The following KHDRBS2 variants were observed in gnomAD, a reference collection of about 807,000 sequenced individuals.
The protein encoded by KHDRBS2 is KH RNA binding domain containing, signal transduction associated 2.
Under a neutral mutation model 44.3 loss-of-function variants are expected in KHDRBS2, and 26 were observed. The observed-to-expected ratio is 0.59, with a 90% CI of 0.43 to 0.81. The LOEUF (loss-of-function observed/expected upper bound fraction) is 0.81. Among genes scored for constraint, KHDRBS2 ranks in the 40% least tolerant of loss-of-function variants. The pLI is 0.00. For synonymous variants in KHDRBS2, 194 were observed against 151.1 expected (o/e 1.28, Z -2.08); for missense variants, 476 against 433.1 (o/e 1.10, Z -0.88).
the KHDRBS2 span, among the ~76,000 whole-genome samples, chr6:61,556,560 C>G: frequency 6.6e-6 from 1 of 152,074 alleles, no homozygotes; most frequent in East Asian, 1.9e-4. Context: ...TCTCAAAAAC[C>G]ATAGTTTGTC....
At chr6:61,612,011 T>C in the KHDRBS2 span, among the ~76,000 whole-genome samples, 1 of 152,216 alleles carries the variant, frequency 6.6e-6, no homozygotes, top group Admixed American at 6.5e-5. Flanking sequence ...ATATCAAGTA[T>C]GTGCTTGTAT....
intron 2 of KHDRBS2, among the ~76,000 whole-genome samples, chr6:62,049,438 A>C (rs1163529294): frequency 6.6e-6 from 1 of 151,916 alleles, no homozygotes; most frequent in African/African-American, 2.4e-5. Context: ...GCATTAGAAA[A>C]ACCTTTGTGA....
intron 2 of KHDRBS2, among the ~76,000 whole-genome samples, chr6:62,162,030 AG>A (rs1817766887): frequency 6.6e-6 from 1 of 152,120 alleles, no homozygotes; most frequent in Non-Finnish European, 1.5e-5. Flanking sequence ...TATAGTAAAA[AG>A]TGAAGTTACA....
At chr6:61,568,618 T>C in the KHDRBS2 span, among the ~76,000 whole-genome samples, 2 of 78,418 alleles carry the variant, frequency 2.6e-5, no homozygotes, top group South Asian at 3.4e-4. Flanking sequence ...AACCTGACTT[T>C]GAACATACAT....
the KHDRBS2 span, among the ~76,000 whole-genome samples, chr6:61,572,223 T>C: frequency 1.3e-5 from 2 of 151,994 alleles, no homozygotes; most frequent in Non-Finnish European, 1.5e-5. Context: ...ATCTAGAAGA[T>C]GCAGATAAAT....
At chr6:62,279,637 G>T (rs1222760007) in intron 1 of KHDRBS2, among the ~76,000 whole-genome samples, 1 of 152,110 alleles carries the variant, frequency 6.6e-6, no homozygotes, top group Non-Finnish European at 1.5e-5. Context: ...AATTTATAAT[G>T]AATTAGATGA....
At chr6:62,023,653 T>A (rs1782738620) in intron 3 of KHDRBS2, among the ~76,000 whole-genome samples, 1 of 151,508 alleles carries the variant, frequency 6.6e-6, no homozygotes, top group African/African-American at 2.4e-5. Context: ...TAATTACTAA[T>A]ATAAAAAACA....
intron 2 of KHDRBS2, among the ~76,000 whole-genome samples, chr6:62,140,893 G>C (rs2150097964): frequency 6.6e-6 from 1 of 152,284 alleles, no homozygotes; most frequent in Admixed American, 6.5e-5. Context: ...ATGCAGCATG[G>C]AAGTCTTGCA....
At chr6:61,543,611 C>T in the KHDRBS2 span, among the ~76,000 whole-genome samples, 2 of 151,824 alleles carry the variant, frequency 1.3e-5, no homozygotes, top group Middle Eastern at 3.2e-3. Context: ...ATATATACCC[C>T]AAAGAAAGGA....
At chr6:61,816,097 C>T (rs1232657703) in intron 6 of KHDRBS2, among the ~76,000 whole-genome samples, 1 of 151,768 alleles carries the variant, frequency 6.6e-6, no homozygotes, top group East Asian at 2.0e-4. Context: ...TTTGTTAAAA[C>T]AATAACTAAA....
chr6:61,765,336 C>T (rs542797699), intron 6 of KHDRBS2, among the ~76,000 whole-genome samples: 17 of 152,080 alleles, frequency 1.1e-4, no homozygotes, highest in Non-Finnish European at 2.1e-4. Context: ...ACCTCTAGTA[C>T]TAGCTACTCA....
Position 61,906,212 on chromosome 6 carries a change from A to G in KHDRBS2, c.484-4841T>C, listed in dbSNP as rs933513356. Among the ~76,000 whole-genome samples, 31 of 152,118 alleles carry G rather than the reference A, an allele frequency of 2.0e-4. No homozygotes were observed. In the Middle Eastern group the frequency reaches 0.01, roughly 50 times the overall value. ...CTCTTAAATACTGTCTAGACTGAAC[A>G]TATTCTGTGCATTATAATTTTTGCT... On this transcript the variant is annotated intron_variant, in intron 4 of 8. Coordinates refer to ENST00000281156, the MANE Select transcript of KHDRBS2 (RefSeq NM_152688.4).
chr6:62,220,869 A>C (rs1187778125), intron 1 of KHDRBS2, among the ~76,000 whole-genome samples: 3 of 151,964 alleles, frequency 2.0e-5, no homozygotes, highest in African/African-American at 7.2e-5. Flanking sequence ...GCTCCAATTT[A>C]AAGAAAAAAT....
At chr6:62,145,204 A>G (rs1813669693) in intron 2 of KHDRBS2, among the ~76,000 whole-genome samples, 1 of 151,714 alleles carries the variant, frequency 6.6e-6, no homozygotes, top group Non-Finnish European at 1.5e-5. Context: ...TTATGTTTTC[A>G]GTTCTCAAAA....
At chr6:61,810,769 T>C (rs546495028) in intron 6 of KHDRBS2, among the ~76,000 whole-genome samples, 2 of 152,104 alleles carry the variant, frequency 1.3e-5, no homozygotes, top group African/African-American at 2.4e-5. Context: ...ACATCTTTAA[T>C]AAATAAGAAT....
intron 2 of KHDRBS2, among the ~76,000 whole-genome samples, chr6:62,059,115 A>G (rs1584417173): frequency 6.6e-6 from 1 of 150,662 alleles, no homozygotes; most frequent in Admixed American, 6.7e-5. Context: ...ACAAAAAACT[A>G]ATAGTGCCAT....
In KHDRBS2 at chr6:62,147,318, G is replaced by A. The variant is rs374051188; in HGVS notation, c.219+29867C>T. On this transcript the variant is annotated intron_variant, in intron 2 of 8. Transcript: ENST00000281156. ...CCAGAAAATGCTCTACTAAGCAGAA[G>A]AGCTTCCTTAAATCTGCCAAATAAT... is the stretch of plus-strand genomic sequence containing the variant. Among the ~76,000 whole-genome samples the A allele has an allele frequency of 1.8e-3, 273 of 151,992 alleles. 9 individuals carry two copies. In the South Asian group the frequency reaches 0.051, roughly 29 times the overall value.
At chr6:62,101,278 T>C (rs1181142795) in intron 2 of KHDRBS2, among the ~76,000 whole-genome samples, 1 of 152,128 alleles carries the variant, frequency 6.6e-6, no homozygotes. Context: ...TTACAAGATA[T>C]CAACATCCAC....
intron 3 of KHDRBS2, among the ~76,000 whole-genome samples, chr6:61,998,885 C>T (rs1029911094): frequency 9.9e-5 from 15 of 151,992 alleles, no homozygotes; most frequent in African/African-American, 3.6e-4. Context: ...TAACTTTATC[C>T]TGTATATAAA....
Sources: gnomAD v4.1 joint callset for allele counts (sites outside exome capture counted in the v4.1 genomes callset) on GRCh38, gnomAD v4.1.1 for gene constraint, MANE v1.5 for transcripts, NCBI Gene and HGNC (gene_info 2026-07-23, HGNC 2026-07-21) for gene names.